Variants in ANKRD13A observed in about 807,000 individuals in gnomAD.
ANKRD13A encodes the protein ankyrin repeat domain 13A, also known as ankyrin repeat domain-containing protein 13A.
In ANKRD13A, 48 loss-of-function variants were observed where a neutral mutation model predicts 81.3. The ratio of observed to expected loss-of-function variants is 0.59; its 90% CI spans 0.47 to 0.75. The LOEUF (loss-of-function observed/expected upper bound fraction) is 0.75. Ranked by LOEUF, ANKRD13A falls within the 30% of genes least tolerant of loss-of-function variation. ANKRD13A has a pLI of 0.00. For synonymous variants in ANKRD13A, 230 were observed against 270.1 expected (o/e 0.85, Z 1.45); for missense variants, 612 against 734.0 (o/e 0.83, Z 1.92).
intron 6 of ANKRD13A, among the ~76,000 whole-genome samples, chr12:110,022,631 C>T (rs901244659): frequency 1.3e-5 from 2 of 152,136 alleles, no homozygotes; most frequent in African/African-American, 4.8e-5. Context: ...TCAGAAGAGT[C>T]TGTGCCAGAA....
intron 1 of ANKRD13A, among the ~76,000 whole-genome samples, chr12:110,000,625 AGT>A (rs1433161903): frequency 6.6e-6 from 1 of 152,038 alleles, no homozygotes; most frequent in Admixed American, 6.6e-5. Context: ...TGCTTCTGGT[AGT>A]GGGTAGAGGC....
chr12:110,022,445 T>G (rs1163558138), intron 6 of ANKRD13A: 2 of 136,226 alleles, frequency 1.5e-5, no homozygotes, highest in African/African-American at 5.6e-5. Context: ...TAAGAGTCCA[T>G]CTCAAAAAAA....
intron 6 of ANKRD13A, chr12:110,020,976 TTTG>T (rs543736334): frequency 7.4e-5 from 25 of 339,620 alleles, no homozygotes; most frequent in Non-Finnish European, 1.4e-4. Flanking sequence ...AGAGTCATTG[TTTG>T]TTGAAGTGCG....
At chr12:110,026,436 G>A (rs1891334929) in intron 8 of ANKRD13A, among the ~76,000 whole-genome samples, 1 of 151,922 alleles carries the variant, frequency 6.6e-6, no homozygotes, top group African/African-American at 2.4e-5. Flanking sequence ...AATTAGCTGG[G>A]TGTGGTGGCC....
chr12:110,004,780 A>G (rs915505668), intron 1 of ANKRD13A, among the ~76,000 whole-genome samples: 1 of 152,238 alleles, frequency 6.6e-6, no homozygotes, highest in African/African-American at 2.4e-5. Flanking sequence ...ATGAAACTAC[A>G]TAGTGTGGGC....
At chr12:110,033,206 A>C (rs1593231439) in intron 12 of ANKRD13A, among the ~76,000 whole-genome samples, 2 of 149,016 alleles carry the variant, frequency 1.3e-5, no homozygotes, top group Admixed American at 6.7e-5. Context: ...GGTGCCCGCC[A>C]CCACGCCCGG....
intron 6 of ANKRD13A, chr12:110,020,972 ATTGT>A (rs747557809): frequency 1.1e-4 from 38 of 341,232 alleles, no homozygotes; most frequent in Non-Finnish European, 2.2e-4. Flanking sequence ...TGCCAGAGTC[ATTGT>A]TTGTTGAAGT....
intron 6 of ANKRD13A, chr12:110,022,299 A>G (rs1420049633): frequency 6.6e-6 from 1 of 152,066 alleles, no homozygotes; most frequent in African/African-American, 2.4e-5. Context: ...AATATAAAAA[A>G]TTAGCCAGAC....
At chr12:110,004,024 G>A (rs1210912817) in intron 1 of ANKRD13A, among the ~76,000 whole-genome samples, 1 of 152,122 alleles carries the variant, frequency 6.6e-6, no homozygotes, top group African/African-American at 2.4e-5. Context: ...TGGGCATGGT[G>A]GCGGGTGCTT....
At position 110,039,673 on chromosome 12, in the gene ANKRD13A, G is replaced by A. The variant is rs1022198157; in HGVS notation, c.*2119G>A. On this transcript the variant is annotated 3_prime_UTR_variant, in exon 15 of 15. Transcript: ENST00000261739. ...TTCTGACACCTCTGTGGTCCTCCTGGAGGGGAACTGGCTCTTGTGGGGTAA... is the reference window on the plus strand; with the variant it reads ...TTCTGACACCTCTGTGGTCCTCCTGAAGGGGAACTGGCTCTTGTGGGGTAA... The A allele has an allele frequency of 1.3e-5, 2 of 152,254 alleles. No homozygotes were observed. The highest frequency in any genetic ancestry group is 2.4e-5 in the African/African-American group (1 of 41,452). The allele number at this position is 152,254 out of a possible 1,614,324, so 9.4% of individuals were successfully genotyped here. A position where few individuals can be genotyped will look rare whatever the true frequency, so the allele number is the denominator to read the frequency against.
Position 110,030,672 on chromosome 12 carries a change from C to T in ANKRD13A, c.1262C>T (p.Ala421Val). ...ATTCCCTTGTTTCATGTCTTAAATG[C>T]ACGGATTACATTTGGAAATGTTAAT... ...IEIPLFHVLN[A>V]RITFGNVNGC... Residue 421 changes from alanine (A) to valine (V), a missense_variant, in exon 12 of 15, where the codon GCA becomes GTA. Transcript: ENST00000261739. 6.2e-7 allele frequency: 1 copy of T among 1,605,502 alleles called. No homozygotes were observed. Among genetic ancestry groups the T allele is most frequent in the Non-Finnish European group, 8.5e-7 (1 of 1,175,774 alleles).
chr12:110,003,610 CAGTG>C (rs1890093072), intron 1 of ANKRD13A, among the ~76,000 whole-genome samples: 1 of 152,198 alleles, frequency 6.6e-6, no homozygotes, highest in South Asian at 2.1e-4. Context: ...CTAAAGGTGA[CAGTG>C]AGTTTATGAA....
intron 1 of ANKRD13A, among the ~76,000 whole-genome samples, chr12:110,000,375 G>T (rs891619770): frequency 2.0e-5 from 3 of 152,176 alleles, no homozygotes; most frequent in Non-Finnish European, 2.9e-5. Context: ...AGGTCCAGGT[G>T]CCGCATTTTT....
intron 1 of ANKRD13A, among the ~76,000 whole-genome samples, chr12:110,000,352 T>C (rs771003801): frequency 6.6e-6 from 1 of 152,176 alleles, no homozygotes; most frequent in East Asian, 1.9e-4. Context: ...ACTCTATTGA[T>C]AGGTCTGGGG....
intron 14 of ANKRD13A, 50 bp from the exon 15 acceptor site, chr12:110,037,309 C>CATG (rs1566066660): frequency 6.5e-7 from 1 of 1,547,124 alleles, no homozygotes; most frequent in East Asian, 2.3e-5. Context: ...CTGCTGCCAC[C>CATG]ATGATGATGA....
chr12:110,029,871 G>C (rs1401864728), intron 11 of ANKRD13A, among the ~76,000 whole-genome samples: 1 of 152,074 alleles, frequency 6.6e-6, no homozygotes, highest in Non-Finnish European at 1.5e-5. Flanking sequence ...ATTTGCAAAT[G>C]GTGCTGACAG....
At chr12:110,009,423 TA>T in intron 1 of ANKRD13A, among the ~76,000 whole-genome samples, 1 of 152,204 alleles carries the variant, frequency 6.6e-6, no homozygotes, top group East Asian at 1.9e-4. Context: ...GTAGAGTTGC[TA>T]ATATTCCATC....
At chr12:110,035,017 G>A (rs970451759) in intron 13 of ANKRD13A, among the ~76,000 whole-genome samples, 1 of 152,080 alleles carries the variant, frequency 6.6e-6, no homozygotes. Flanking sequence ...TGTGTAATGT[G>A]AGTCTACCTC....
intron 1 of ANKRD13A, among the ~76,000 whole-genome samples, chr12:110,009,972 C>T (rs1890431874): frequency 6.6e-6 from 1 of 152,236 alleles, no homozygotes; most frequent in South Asian, 2.1e-4. Context: ...TCAAGCGATT[C>T]TCCTGCCTCA....
Sources: gnomAD v4.1 joint callset for allele counts (sites outside exome capture counted in the v4.1 genomes callset) on GRCh38, gnomAD v4.1.1 for gene constraint, MANE v1.5 for transcripts, NCBI Gene and HGNC (gene_info 2026-07-23, HGNC 2026-07-21) for gene names.